The following FAXC variants were observed in gnomAD, a reference collection of about 807,000 sequenced individuals.
FAXC encodes the protein failed axon connections homolog.
A neutral mutation model predicts 41.9 loss-of-function variants in FAXC; 10 were observed. The ratio of observed to expected loss-of-function variants is 0.24; its 90% CI spans 0.15 to 0.41. The LOEUF is 0.41. Ranked by LOEUF, FAXC falls within the 10% of genes least tolerant of loss-of-function variation. The pLI, the probability that FAXC is intolerant of heterozygous loss-of-function variation, is 1.00. For synonymous variants in FAXC, 183 were observed against 183.8 expected, an observed-to-expected ratio of 1.00 and a Z score of 0.03; for missense variants, 399 against 510.9, an observed-to-expected ratio of 0.78 and a Z score of 2.11.
intron 5 of FAXC, among the ~76,000 whole-genome samples, chr6:99,287,265 C>T (rs1771061202): frequency 6.6e-6 from 1 of 151,772 alleles, no homozygotes; most frequent in South Asian, 2.1e-4. Flanking sequence ...CATTATGATC[C>T]CAGCTTAAAA....
rs1233865331 is a variant in FAXC at position 99,276,115 on chromosome 6, T to C, written c.*5049A>G. 1.3e-5 allele frequency: 2 copies of C among 149,928 alleles called. No individual in the cohort carries two copies. Among genetic ancestry groups the C allele is most frequent in the African/African-American group, 4.9e-5 (2 of 40,564 alleles). 9.3% of individuals were successfully genotyped at this position (149,928 alleles called of 1,614,324 possible). On this transcript the variant is annotated 3_prime_UTR_variant, in exon 6 of 6. Coordinates refer to ENST00000389677, the MANE Select transcript of FAXC (RefSeq NM_032511.4). ...AAGGAGAACAAAGGATCCTGGGTCATAGTCAGGAACAATAAAATAACATAC... is the reference window on the plus strand; with the variant it reads ...AAGGAGAACAAAGGATCCTGGGTCACAGTCAGGAACAATAAAATAACATAC...
intron 4 of FAXC, among the ~76,000 whole-genome samples, chr6:99,306,844 A>C (rs571883346): frequency 6.6e-6 from 1 of 152,340 alleles, no homozygotes; most frequent in South Asian, 2.1e-4. Context: ...AAAAGCTCTC[A>C]GAATAGTGCT....
chr6:99,288,426 C>T (rs920684118), intron 5 of FAXC, among the ~76,000 whole-genome samples: 7 of 151,606 alleles, frequency 4.6e-5, no homozygotes, highest in Non-Finnish European at 7.4e-5. Flanking sequence ...GGTAGGAGAA[C>T]GGAGGGAATA....
Position 99,349,335 on chromosome 6 carries a change from C to A in FAXC, c.38G>T (p.Cys13Phe), listed in dbSNP as rs1345270061. 6.2e-7 allele frequency: 1 copy of A among 1,612,698 alleles called. No homozygotes were observed. The highest frequency in any genetic ancestry group is 1.3e-5 in the African/African-American group (1 of 74,932). Residue 13 changes from cysteine (C) to phenylalanine (F), a missense_variant, in exon 1 of 6, where the codon TGC (cysteine) becomes TTC (phenylalanine). Transcript: ENST00000389677. ...WGVGFASSRPCVVDLSWNQSI... is the reference protein window; with the variant it reads ...WGVGFASSRPFVVDLSWNQSI... The stretch of plus-strand genomic sequence containing the variant: ...CTGGTTCCAGCTCAGATCCACCACG[C>A]ACGGCCTGGACGAAGCAAAGCCAAC...
chr6:99,275,629 C>T lies in FAXC; in HGVS notation c.*5535G>A, dbSNP rs114782275. 1.6e-3 allele frequency: 245 copies of T among 152,222 alleles called. 2 individuals are homozygous for T. Among genetic ancestry groups the T allele is most frequent in the African/African-American group, 5.6e-3 (232 of 41,540 alleles). The allele number at this position is 152,222 out of a possible 1,614,324, so 9.4% of individuals were successfully genotyped here. ...CCTGTCAGCTCCAAAACAGCTGAAC[C>T]CCTTTTTTTTAAATCTATGCTTCAG... On this transcript the variant is annotated 3_prime_UTR_variant, in exon 6 of 6. Transcript: ENST00000389677.
At chr6:99,312,105 C>T (rs541146110) in intron 4 of FAXC, among the ~76,000 whole-genome samples, 1 of 152,168 alleles carries the variant, frequency 6.6e-6, no homozygotes, top group Non-Finnish European at 1.5e-5. Context: ...CACTCTTGTT[C>T]AATAAATATC....
chr6:99,295,533 C>T (rs1408097961), intron 4 of FAXC, among the ~76,000 whole-genome samples: 1 of 152,180 alleles, frequency 6.6e-6, no homozygotes, highest in Non-Finnish European at 1.5e-5. Flanking sequence ...AGATTTCCTT[C>T]TGCCTAACTG....
At chr6:99,342,634 G>A (rs746914172) in intron 2 of FAXC, among the ~76,000 whole-genome samples, 3 of 152,186 alleles carry the variant, frequency 2.0e-5, no homozygotes, top group African/African-American at 4.8e-5. Context: ...GTGAACCACC[G>A]TGCCCAGCCC....
chr6:99,339,386 G>A (rs1773336692), intron 2 of FAXC, among the ~76,000 whole-genome samples: 1 of 152,216 alleles, frequency 6.6e-6, no homozygotes, highest in Non-Finnish European at 1.5e-5. Context: ...AGAGGTACAG[G>A]ACCTGTGGCC....
intron 4 of FAXC, among the ~76,000 whole-genome samples, chr6:99,310,482 C>T (rs1236248337): frequency 6.6e-6 from 1 of 152,220 alleles, no homozygotes; most frequent in African/African-American, 2.4e-5. Context: ...AAAAGCACCA[C>T]CCTCCCGCTC....
rs538587690 is a variant in FAXC, at chr6:99,340,420, A to C, written c.402+2478T>G. Among the ~76,000 whole-genome samples the C allele has an allele frequency of 1.8e-4, 27 of 152,210 alleles. No homozygotes were observed. In the South Asian group the frequency reaches 5.4e-3, roughly 30 times the overall value. On this transcript the variant is annotated intron_variant, in intron 2 of 5. Transcript: ENST00000389677. Reference sequence around the variant, plus strand: ...TGGCCTAATATTTTTAAAATATAGAAGGAAAAGAACTTTGAACATAAATTT... The same window carrying C: ...TGGCCTAATATTTTTAAAATATAGACGGAAAAGAACTTTGAACATAAATTT...
chr6:99,320,743 C>T (rs1296059717), intron 4 of FAXC, among the ~76,000 whole-genome samples: 1 of 152,168 alleles, frequency 6.6e-6, no homozygotes, highest in African/African-American at 2.4e-5. Flanking sequence ...ACTTGGGATT[C>T]TTTTTCTCAT....
intron 4 of FAXC, among the ~76,000 whole-genome samples, chr6:99,320,775 T>A (rs1364835520): frequency 6.6e-6 from 1 of 152,240 alleles, no homozygotes; most frequent in Non-Finnish European, 1.5e-5. Context: ...AAAGTCCTTA[T>A]TTTCTTCACT....
rs1252581809 is a variant in FAXC, at chr6:99,349,145, G to A, written c.228C>T (p.Ala76=). The change falls in exon 1 of 6, where the codon GCC becomes GCT. Residue 76 remains alanine (A), a synonymous_variant. Transcript: ENST00000389677. The stretch of plus-strand genomic sequence containing the variant: ...GTTCGTGGAGCAGATACGCAGCTGC[G>A]GCCAGCAAAGCTCCCCCGGTCAAGT... The part of the protein sequence containing the change: ...TLYLTGGALL[A]AAAYLLHELL... The A allele has an allele frequency of 4.3e-6, 7 of 1,613,524 alleles. No individual in the cohort carries two copies. The African/African-American group carries it at 5.3e-5, about 12-fold the overall frequency.
Position 99,349,317 on chromosome 6 carries a change from C to T in FAXC, c.56G>A (p.Trp19Ter), listed in dbSNP as rs774655609. 1 of 1,613,114 alleles carries T rather than the reference C, an allele frequency of 6.2e-7. No individual in the cohort carries two copies. Among genetic ancestry groups the T allele is most frequent in the South Asian group, 1.1e-5 (1 of 91,088 alleles). Residue 19 changes from tryptophan (W) to a stop codon, truncating the protein, a stop_gained, in exon 1 of 6, where the codon TGG becomes TAG. Transcript: ENST00000389677. LOFTEE classifies it high-confidence loss of function. ...SSRPCVVDLS[W>*]NQSISFFGWW... ...GCCGAAGAAGGAGATGCTCTGGTTC[C>T]AGCTCAGATCCACCACGCACGGCCT...
In FAXC at chr6:99,276,826, G is replaced by C. The variant is rs1475198681; in HGVS notation, c.*4338C>G. 6.6e-6 allele frequency: 1 copy of C among 152,160 alleles called. No homozygotes were observed. Among genetic ancestry groups the C allele is most frequent in the Non-Finnish European group, 1.5e-5 (1 of 68,030 alleles). 9.4% of individuals were successfully genotyped at this position (152,160 alleles called of 1,614,324 possible). On this transcript the variant is annotated 3_prime_UTR_variant, in exon 6 of 6. Transcript: ENST00000389677. ...TGTGTTTTTCTGGGAATAGGGTATA[G>C]AACTTTCGTTGGATTATCAGTGGAG...
intron 3 of FAXC, among the ~76,000 whole-genome samples, chr6:99,330,549 T>C (rs1419483147): frequency 6.6e-6 from 1 of 152,260 alleles, no homozygotes; most frequent in East Asian, 1.9e-4. Flanking sequence ...TTCAGAATTA[T>C]GTGATGTAAT....
chr6:99,284,627 T>C (rs1331483484), intron 5 of FAXC, among the ~76,000 whole-genome samples: 1 of 151,004 alleles, frequency 6.6e-6, no homozygotes, highest in African/African-American at 2.4e-5. Flanking sequence ...TAAATGCCTA[T>C]ACAGGCCGGG....
chr6:99,283,743 C>T (rs1218149336), intron 5 of FAXC, among the ~76,000 whole-genome samples: 3 of 151,622 alleles, frequency 2.0e-5, no homozygotes, highest in Non-Finnish European at 4.4e-5. Context: ...GTGAGGGCAG[C>T]AGCAAGAGAA....
Sources: gnomAD v4.1 joint callset for allele counts (sites outside exome capture counted in the v4.1 genomes callset) on GRCh38, gnomAD v4.1.1 for gene constraint, MANE v1.5 for transcripts, NCBI Gene and HGNC (gene_info 2026-07-23, HGNC 2026-07-21) for gene names.